The following NRTN variants were observed in gnomAD, a reference collection of about 807,000 sequenced individuals.
The protein encoded by NRTN is neurturin.
In NRTN, 3 loss-of-function variants were observed where a neutral mutation model predicts 7.5. The observed-to-expected ratio is 0.40, with a 90% confidence interval of 0.18 to 1.03. The LOEUF is 1.03. Among genes scored for constraint, NRTN ranks in the 50% least tolerant of loss-of-function variants. The probability of loss-of-function intolerance (pLI) is 0.34; values close to 1 mark genes in which losing one functional copy is unlikely to be tolerated. For missense variants in NRTN, 310 were observed against 307.0 expected, an observed-to-expected ratio of 1.01 and a Z score of -0.07; for synonymous variants, 157 against 146.6, an observed-to-expected ratio of 1.07 and a Z score of -0.51.
chr19:5,813,561 C>T (rs894347142), intron 1 of NRTN, among the ~76,000 whole-genome samples: 4 of 151,858 alleles, frequency 2.6e-5, no homozygotes, highest in Non-Finnish European at 5.9e-5. Flanking sequence ...GTAATCCTAC[C>T]TACTCGGGAG....
chr19:5,812,486 A>C (rs906871160), intron 1 of NRTN, among the ~76,000 whole-genome samples: 2 of 152,184 alleles, frequency 1.3e-5, no homozygotes, highest in African/African-American at 2.4e-5. Context: ...CTGACACATG[A>C]AGCCACCCCT....
chr19:5,808,708 C>G (rs1175900981), intron 1 of NRTN, among the ~76,000 whole-genome samples: 1 of 151,686 alleles, frequency 6.6e-6, no homozygotes, highest in Non-Finnish European at 1.5e-5. Context: ...AGCCTTTATA[C>G]GTGCAGCTCC....
chr19:5,805,587 G>C (rs1285292367), intron 1 of NRTN, among the ~76,000 whole-genome samples, 136 bp downstream of exon 1: 1 of 152,002 alleles, frequency 6.6e-6, no homozygotes, highest in African/African-American at 2.4e-5. Context: ...GAACCAGCGG[G>C]TGTATGAGGG....
intron 1 of NRTN, among the ~76,000 whole-genome samples, chr19:5,809,632 C>G (rs2056984068): frequency 6.6e-6 from 1 of 152,198 alleles, no homozygotes; most frequent in Non-Finnish European, 1.5e-5. Context: ...CAGCCAGGCC[C>G]TGGCACACAG....
intron 2 of NRTN, 81 bp downstream of exon 2, chr19:5,824,415 G>A: frequency 1.3e-6 from 2 of 1,505,692 alleles, no homozygotes; most frequent in Admixed American, 4.0e-5. Context: ...AGGTGGTGGG[G>A]GGGTGTCATA....
intron 1 of NRTN, among the ~76,000 whole-genome samples, chr19:5,808,544 G>C (rs1033619138): frequency 3.9e-5 from 6 of 152,188 alleles, no homozygotes; most frequent in African/African-American, 1.4e-4. Context: ...GGTACAGGAA[G>C]AGAGAGCTCC....
Position 5,824,411 on chromosome 19 carries a change from T to A in NRTN, c.169+77T>A, listed in dbSNP as rs948431488. ...TTTCAGGCAGTGGAGTGGGAGGTGG[T>A]GGGGGGGTGTCATAGGTTTTTTAAA... On this transcript the variant is annotated intron_variant, in intron 2 of 2. Transcript: ENST00000303212. 6.1e-5 allele frequency: 65 copies of A among 1,073,824 alleles called. 1 individual carries two copies. In the Admixed American group the frequency reaches 4.4e-3, roughly 73 times the overall value. 66.5% of individuals were successfully genotyped at this position (1,073,824 alleles called of 1,614,324 possible). A position where few individuals can be genotyped will look rare whatever the true frequency, so the allele number is the denominator to read the frequency against.
chr19:5,827,881 G>A lies in NRTN; in HGVS notation c.302G>A (p.Arg101Gln). 7.6e-7 allele frequency: 1 copy of A among 1,316,410 alleles called. No individual in the cohort carries two copies. The highest frequency in any genetic ancestry group is 9.7e-7 in the Non-Finnish European group (1 of 1,030,776). 81.5% of individuals were successfully genotyped at this position (1,316,410 alleles called of 1,614,324 possible). A position where few individuals can be genotyped will look rare whatever the true frequency, so the allele number is the denominator to read the frequency against. Residue 101 changes from arginine to glutamine, a missense_variant, in exon 3 of 3, where the codon CGG (arginine) becomes CAG (glutamine). Transcript: ENST00000303212. ...RRRARARLGA[R>Q]PCGLRELEVR... Reference sequence around the variant, plus strand: ...CGCGCGCGTGCGCGGTTGGGGGCGCGGCCTTGCGGGCTGCGCGAGCTGGAG... The same window carrying A: ...CGCGCGCGTGCGCGGTTGGGGGCGCAGCCTTGCGGGCTGCGCGAGCTGGAG...
chr19:5,816,787 G>T (rs1044492701), intron 1 of NRTN, among the ~76,000 whole-genome samples: 1 of 152,202 alleles, frequency 6.6e-6, no homozygotes, highest in African/African-American at 2.4e-5. Context: ...AAAGTGCTGG[G>T]ATCAAAGGCA....
rs1490349833 is a variant in NRTN, at chr19:5,810,277, A to AAAG, written c.-399+4828_-399+4829insGAA. Among the ~76,000 whole-genome samples the AAAG allele has an allele frequency of 5.3e-5, 8 of 151,442 alleles. No homozygotes were observed. The East Asian group carries it at 1.4e-3, about 26-fold the overall frequency. On this transcript the variant is annotated intron_variant, in intron 1 of 2. Coordinates refer to ENST00000303212, the MANE Select transcript of NRTN (RefSeq NM_004558.5). Reference sequence around the variant, plus strand: ...CAAGACTCTGTCTCAAAAAAAAAAAAAAAAAAATTTTTTTTTGTAAAGACA... The same window carrying AAAG: ...CAAGACTCTGTCTCAAAAAAAAAAAAAAGAAAAAAATTTTTTTTTGTAAAGACA...
Position 5,806,092 on chromosome 19 carries a change from G to C in NRTN, c.-399+641G>C, listed in dbSNP as rs2056974553. On this transcript the variant is annotated intron_variant, in intron 1 of 2. Coordinates refer to ENST00000303212, the MANE Select transcript of NRTN (RefSeq NM_004558.5). The surrounding 1 kb of genome is among the most constrained non-coding windows in gnomAD (Gnocchi z 5.4). ...GGGCAAAGCCTGGATGTGAAGTGGC[G>C]GGAGGCTGTGCCTGCCTTTCCTGCT... Among the ~76,000 whole-genome samples the C allele has an allele frequency of 1.3e-5, 2 of 152,142 alleles. No individual in the cohort carries two copies. The highest frequency in any genetic ancestry group is 4.1e-4 in the South Asian group (2 of 4,828).
At chr19:5,815,344 A>AGTGTGTGTGTGTGT (rs139182799) in intron 1 of NRTN, among the ~76,000 whole-genome samples, 1 of 150,060 alleles carries the variant, frequency 6.7e-6, no homozygotes, top group African/African-American at 2.5e-5. Flanking sequence ...GGGTTGTTCA[A>AGTGTGTGTGTGTGT]GTGTGTGTGT....
At chr19:5,821,692 G>A (rs1246285108) in intron 1 of NRTN, among the ~76,000 whole-genome samples, 1 of 151,964 alleles carries the variant, frequency 6.6e-6, no homozygotes, top group Non-Finnish European at 1.5e-5. Context: ...GAACCAGCTG[G>A]GCTGGCCCTG....
At chr19:5,816,622 T>G (rs562384223) in intron 1 of NRTN, among the ~76,000 whole-genome samples, 246 of 152,180 alleles carry the variant, frequency 1.6e-3, no homozygotes, top group African/African-American at 5.4e-3. Context: ...CCTCAAATGA[T>G]CTGCCTGCCT....
chr19:5,822,289 C>T (rs2057027698), intron 1 of NRTN, among the ~76,000 whole-genome samples: 1 of 152,160 alleles, frequency 6.6e-6, no homozygotes, highest in Non-Finnish European at 1.5e-5. Context: ...TTGGGGGGCG[C>T]CTGGGAACCC....
intron 1 of NRTN, among the ~76,000 whole-genome samples, chr19:5,818,767 A>G (rs754868799): frequency 1.4e-5 from 2 of 147,014 alleles, no homozygotes; most frequent in Non-Finnish European, 3.0e-5. Flanking sequence ...CACCCACATC[A>G]CCCCCACCTG....
rs535090329 is a variant in NRTN, at chr19:5,824,149, G to A, written c.-17G>A. 3.1e-5 allele frequency: 49 copies of A among 1,604,168 alleles called. No individual in the cohort carries two copies. Among genetic ancestry groups the A allele is most frequent in the Admixed American group, 3.0e-4 (18 of 59,998 alleles). Reference sequence around the variant, plus strand: ...GACGGGGCGTGCGGCTGACCATCCCGTGCCCGCAGGCTGAGGATGCAGCGC... The same window carrying A: ...GACGGGGCGTGCGGCTGACCATCCCATGCCCGCAGGCTGAGGATGCAGCGC... On this transcript the variant is annotated 5_prime_UTR_variant, in exon 2 of 3. The change creates a new upstream start codon in the 5' untranslated region. Transcript: ENST00000303212.
intron 1 of NRTN, among the ~76,000 whole-genome samples, chr19:5,810,484 A>T (rs2056986827): frequency 1.3e-5 from 2 of 151,942 alleles, no homozygotes; most frequent in Admixed American, 1.3e-4. Context: ...CCCTACGTGG[A>T]AAACAGGGCT....
At chr19:5,814,582 CA>C (rs1450452267) in intron 1 of NRTN, among the ~76,000 whole-genome samples, 4 of 152,116 alleles carry the variant, frequency 2.6e-5, no homozygotes, top group Non-Finnish European at 4.4e-5. Flanking sequence ...GTGGGGGTGC[CA>C]GGGCGTTGCC....
Sources: gnomAD v4.1 joint callset for allele counts (sites outside exome capture counted in the v4.1 genomes callset) on GRCh38, gnomAD v4.1.1 for gene constraint, Gnocchi (gnomAD v3.1) non-coding constraint, MANE v1.5 for transcripts, NCBI Gene and HGNC (gene_info 2026-07-23, HGNC 2026-07-21) for gene names.